EPRS1: variants seen among roughly 807,000 people sequenced by gnomAD.
The protein encoded by EPRS1 is glutamyl-prolyl-tRNA synthetase 1, also known as bifunctional glutamate/proline--tRNA ligase.
EPRS1 carries 107 observed loss-of-function variants against 188.3 expected under a neutral mutation model. The observed-to-expected ratio is 0.57, with a 90% CI of 0.49 to 0.67. EPRS1 has a LOEUF of 0.67. Ranked by LOEUF, EPRS1 falls within the 30% of genes least tolerant of loss-of-function variation. The pLI, the probability that EPRS1 is intolerant of heterozygous loss-of-function variation, is 0.00. For missense variants in EPRS1, 1,577 were observed against 1,802.2 expected (o/e 0.88, Z 2.26); for synonymous variants, 596 against 593.1 (o/e 1.00, Z -0.07).
chr1:219,985,913 G>C (rs941977732), intron 20 of EPRS1, among the ~76,000 whole-genome samples: 1 of 152,146 alleles, frequency 6.6e-6, no homozygotes, highest in Non-Finnish European at 1.5e-5. Context: ...ATTCTCCATT[G>C]TTTCACTATG....
intron 2 of EPRS1, among the ~76,000 whole-genome samples, chr1:220,038,551 CT>C (rs1225517029): frequency 6.6e-6 from 1 of 150,946 alleles, no homozygotes; most frequent in Non-Finnish European, 1.5e-5. Flanking sequence ...AATTTTTCCT[CT>C]TTTTTTTGTA....
rs1558044525 is a variant in EPRS1, at chr1:219,983,196, G to A, written c.3293C>T (p.Ala1098Val). 2.5e-6 allele frequency: 4 copies of A among 1,612,228 alleles called. No individual in the cohort carries two copies. The highest frequency in any genetic ancestry group is 2.5e-6 in the Non-Finnish European group (3 of 1,178,824). Residue 1098 changes from alanine to valine, a missense_variant, in exon 22 of 32, where the codon GCC (alanine) becomes GTC (valine). By Grantham distance (64) the Ala-to-Val change is moderately conservative. Coordinates refer to ENST00000366923, the MANE Select transcript of EPRS1 (RefSeq NM_004446.3). ...AAAAGCAAGCTCACTTACCTCTGGG[G>A]CAAAGTCAGCAACATGAGTCTTCTC... The part of the protein sequence containing the change: ...EKEKTHVADF[A>V]PEVAWVTRSG...
At chr1:220,026,244 C>G (rs1661969956) in intron 6 of EPRS1, among the ~76,000 whole-genome samples, 1 of 152,156 alleles carries the variant, frequency 6.6e-6, no homozygotes, top group Admixed American at 6.5e-5. Flanking sequence ...AGCACCAACA[C>G]TCAATGAATC....
intron 20 of EPRS1, among the ~76,000 whole-genome samples, chr1:219,984,503 C>T (rs974933104): frequency 9.9e-5 from 15 of 152,178 alleles, no homozygotes; most frequent in African/African-American, 3.1e-4. Flanking sequence ...ACTGCAACCT[C>T]GGACTCCTCA....
chr1:219,973,514 A>C, intron 28 of EPRS1, 116 bp from the exon 29 acceptor site: 5 of 572,126 alleles, frequency 8.7e-6, no homozygotes, highest in Non-Finnish European at 7.8e-6. Flanking sequence ...ACAAAGGCAA[A>C]GCCAAAAAAA....
rs768858399 is a variant in EPRS1, at chr1:219,980,818, G to A, written c.3493C>T (p.Arg1165Cys). 3.1e-6 allele frequency: 5 copies of A among 1,613,350 alleles called. No homozygotes were observed. The highest frequency in any genetic ancestry group is 1.1e-5 in the South Asian group (1 of 90,900). The change falls in exon 25 of 32, where the codon CGT becomes TGT. Residue 1165 changes from arginine to cysteine, a missense_variant. Physicochemically the swap from Arg to Cys is radical, Grantham distance 180 (BLOSUM62 -3). Around this residue, in one of 3 missense-constraint regions of EPRS1, gnomAD observed 1,278 missense variants for 1,457.4 expected, o/e 0.88. Coordinates refer to ENST00000366923, the MANE Select transcript of EPRS1 (RefSeq NM_004446.3). ...FKHPQPFLRT[R>C]EFLWQEGHSA... ...TGCCCTTCCTGCCAAAGAAATTCAC[G>A]AGTACGTAGGAAAGGCTGAGGATGC...
chr1:220,016,357 A>G (rs1415793158), intron 12 of EPRS1, among the ~76,000 whole-genome samples: 1 of 151,088 alleles, frequency 6.6e-6, no homozygotes, highest in African/African-American at 2.4e-5. Context: ...AAGAAAAAGA[A>G]AAAAGAAAAA....
intron 24 of EPRS1, 22 bp downstream of exon 24, chr1:219,981,356 A>G: frequency 6.6e-7 from 1 of 1,523,466 alleles, no homozygotes; most frequent in Non-Finnish European, 8.9e-7. Flanking sequence ...ATAATAGAAT[A>G]CAAGAGGGGG....
At position 219,970,703 on chromosome 1, in the gene EPRS1, G is replaced by A. The variant is rs568750585; in HGVS notation, c.4323+1366C>T. On this transcript the variant is annotated intron_variant, in intron 30 of 31. Transcript: ENST00000366923. Reference sequence around the variant, plus strand: ...TGAGGCAGGAGAATCGCTTGAACTCGGGAGGCAGAGGTTGCAGTGAGCCGA... The same window carrying A: ...TGAGGCAGGAGAATCGCTTGAACTCAGGAGGCAGAGGTTGCAGTGAGCCGA... Among the ~76,000 whole-genome samples, 24 of 151,352 alleles carry A rather than the reference G, an allele frequency of 1.6e-4. No individual in the cohort carries two copies. In the South Asian group the frequency reaches 3.1e-3, roughly 20 times the overall value.
chr1:219,983,217 TTC>T lies in EPRS1; in HGVS notation c.3270_3271del (p.Lys1091AspfsTer5). On this transcript the variant is annotated frameshift_variant, in exon 22 of 32. Transcript: ENST00000366923. LOFTEE classifies it high-confidence loss of function. The stretch of plus-strand genomic sequence containing the variant: ...TGGGGCAAAGTCAGCAACATGAGTC[TTC>T]TCTTTCTCTAATGCACTTTGAGACA... The T allele has an allele frequency of 6.2e-7, 1 of 1,614,084 alleles. No individual in the cohort carries two copies. Among genetic ancestry groups the T allele is most frequent in the Non-Finnish European group, 8.5e-7 (1 of 1,179,950 alleles).
At chr1:219,999,061 G>GA (rs1234767374) in intron 17 of EPRS1, among the ~76,000 whole-genome samples, 1 of 151,834 alleles carries the variant, frequency 6.6e-6, no homozygotes, top group African/African-American at 2.4e-5. Flanking sequence ...ACAATCTGAA[G>GA]AAAAACCCAA....
Position 219,979,423 on chromosome 1 carries a change from C to G in EPRS1, c.3904G>C (p.Val1302Leu). Residue 1302 changes from valine (V) to leucine (L), a missense_variant, in exon 27 of 32, where the codon GTT becomes CTT. By Grantham distance (32) the Val-to-Leu change is conservative (BLOSUM62 1). This residue lies in a region of EPRS1 where 296 missense variants were observed against 327.9 expected (regional missense o/e 0.90). Coordinates refer to ENST00000366923, the MANE Select transcript of EPRS1 (RefSeq NM_004446.3). Reference sequence around the variant, plus strand: ...AACAGGAATATTTTCCTTACCTGAACACATGCTACACGGGGTGGTAATACT... The same window carrying G: ...AACAGGAATATTTTCCTTACCTGAAGACATGCTACACGGGGTGGTAATACT... The part of the protein sequence containing the change: ...GLVLPPRVAC[V>L]QVVIIPCGIT... The G allele has an allele frequency of 6.2e-7, 1 of 1,609,962 alleles. No individual in the cohort carries two copies. Among genetic ancestry groups the G allele is most frequent in the Non-Finnish European group, 8.5e-7 (1 of 1,176,920 alleles).
intron 6 of EPRS1, 107 bp from the exon 7 acceptor site, chr1:220,025,365 G>T: frequency 1.5e-6 from 1 of 688,816 alleles, no homozygotes; most frequent in Non-Finnish European, 2.2e-6. Context: ...CTTCTAATTG[G>T]TACCCAAGTC....
intron 22 of EPRS1, 57 bp downstream of exon 22, chr1:219,983,132 T>C (rs1660931547): frequency 7.1e-7 from 1 of 1,400,474 alleles, no homozygotes; most frequent in African/African-American, 1.4e-5. Flanking sequence ...AAGTTGAAAA[T>C]ATATTTTCCA....
At chr1:219,969,016 C>T (rs760071028) in intron 31 of EPRS1, 42 bp downstream of exon 31, 6 of 1,609,330 alleles carry the variant, frequency 3.7e-6, no homozygotes, top group Non-Finnish European at 4.3e-6. Flanking sequence ...TATTCCTTTC[C>T]ATTGCAATTT....
At chr1:220,036,092 C>T (rs548769993) in intron 2 of EPRS1, among the ~76,000 whole-genome samples, 1 of 152,166 alleles carries the variant, frequency 6.6e-6, no homozygotes, top group Non-Finnish European at 1.5e-5. Flanking sequence ...CCCAGCTACT[C>T]AGGAGGCTGA....
chr1:219,996,958 T>C (rs770527838), intron 18 of EPRS1, 25 bp downstream of exon 18: 6 of 1,541,902 alleles, frequency 3.9e-6, no homozygotes, highest in South Asian at 2.5e-5. Flanking sequence ...GAAAATGTGG[T>C]CTTGACTTTC....
At chr1:219,979,165 A>C (rs905236666) in intron 27 of EPRS1, among the ~76,000 whole-genome samples, 11 of 152,188 alleles carry the variant, frequency 7.2e-5, no homozygotes, top group African/African-American at 2.7e-4. Flanking sequence ...CATTTAACAT[A>C]CTATAAACCG....
chr1:220,018,846 G>GT, intron 11 of EPRS1, 149 bp downstream of exon 11: 2 of 357,252 alleles, frequency 5.6e-6, no homozygotes. Context: ...AAAAAAGTTT[G>GT]TTTTAAAAAA....
Sources: gnomAD v4.1 joint callset for allele counts (sites outside exome capture counted in the v4.1 genomes callset) on GRCh38, gnomAD v4.1.1 for gene constraint, gnomAD v4.1.1 regional missense constraint, MANE v1.5 for transcripts, NCBI Gene and HGNC (gene_info 2026-07-23, HGNC 2026-07-21) for gene names.